PDE11A: variants seen among roughly 807,000 people sequenced by gnomAD.
The protein encoded by PDE11A is dual 3',5'-cyclic-AMP and -GMP phosphodiesterase 11A.
In PDE11A, 100 loss-of-function variants were observed where a neutral mutation model predicts 100.5. That is an observed-to-expected ratio of 1.00 (90% confidence interval 0.85 to 1.18). PDE11A has a LOEUF of 1.18. Ranked by LOEUF, PDE11A falls within the 50% of genes most tolerant of loss-of-function variation. PDE11A has a pLI of 0.00. For missense variants in PDE11A, 1,141 were observed against 1,152.6 expected, an observed-to-expected ratio of 0.99 and a Z score of 0.15; for synonymous variants, 381 against 420.8, an observed-to-expected ratio of 0.91 and a Z score of 1.16.
Position 178,072,470 on chromosome 2 carries a change from G to A in PDE11A, c.-33C>T, listed in dbSNP as rs561693321. 1.2e-6 allele frequency: 2 copies of A among 1,612,100 alleles called. No individual in the cohort carries two copies. Among genetic ancestry groups the A allele is most frequent in the East Asian group, 4.5e-5 (2 of 44,874 alleles). On this transcript the variant is annotated 5_prime_UTR_variant, in exon 1 of 20. The change creates a new upstream start codon in the 5' untranslated region. Transcript: ENST00000286063. ...GACAGCTTTCCTTGCCTGTTTACAC[G>A]TGAACCAAATGTTTTCCTGCCCCGA...
intron 10 of PDE11A, among the ~76,000 whole-genome samples, chr2:177,765,554 A>G (rs1379470454): frequency 6.6e-6 from 1 of 152,210 alleles, no homozygotes; most frequent in Non-Finnish European, 1.5e-5. Flanking sequence ...ACAGGTAGGA[A>G]GGGGCCCTGC....
At chr2:177,854,961 G>C (rs1417967738) in intron 5 of PDE11A, among the ~76,000 whole-genome samples, 2 of 152,104 alleles carry the variant, frequency 1.3e-5, no homozygotes, top group East Asian at 3.9e-4. Flanking sequence ...TTGTTTAAAG[G>C]AAGTTACATA....
rs191481058 is a variant in PDE11A, at chr2:177,853,980, A to T, written c.1368-13597T>A. On this transcript the variant is annotated intron_variant, in intron 5 of 19. Transcript: ENST00000286063. ...TATGTGTATACACACACACACACAC[A>T]GCAAGAAAGGGAGCAGATTCAATTT... Among the ~76,000 whole-genome samples, 1,020 of 150,466 alleles carry T rather than the reference A, an allele frequency of 6.8e-3. 13 individuals are homozygous for T. The highest frequency in any genetic ancestry group is 0.023 in the African/African-American group (953 of 40,920).
chr2:178,059,550 T>G (rs1028336757), intron 1 of PDE11A, among the ~76,000 whole-genome samples: 1 of 152,226 alleles, frequency 6.6e-6, no homozygotes, highest in African/African-American at 2.4e-5. Context: ...CATTTTTCAC[T>G]GAGTCCTATA....
At chr2:177,943,437 T>C (rs765956326) in intron 2 of PDE11A, among the ~76,000 whole-genome samples, 1 of 152,238 alleles carries the variant, frequency 6.6e-6, no homozygotes, top group Non-Finnish European at 1.5e-5. Flanking sequence ...GGGTGCGACA[T>C]GATATCTCAT....
chr2:177,872,047 T>C (rs1413749609), intron 5 of PDE11A, among the ~76,000 whole-genome samples: 1 of 152,210 alleles, frequency 6.6e-6, no homozygotes, highest in African/African-American at 2.4e-5. Flanking sequence ...GTTATGTTTG[T>C]ATTATATTTT....
At chr2:178,065,508 A>G (rs1309141776) in intron 1 of PDE11A, among the ~76,000 whole-genome samples, 3 of 152,232 alleles carry the variant, frequency 2.0e-5, no homozygotes, top group African/African-American at 7.2e-5. Context: ...TCATGTACAA[A>G]GCAGCAAATG....
intron 1 of PDE11A, among the ~76,000 whole-genome samples, chr2:178,104,681 C>A (rs2087598390): frequency 6.6e-6 from 1 of 152,152 alleles, no homozygotes; most frequent in Non-Finnish European, 1.5e-5. Context: ...TAAAGACAAT[C>A]ATCTCATTAA....
intron 1 of PDE11A, among the ~76,000 whole-genome samples, chr2:178,044,768 G>A (rs1047928856): frequency 1.3e-5 from 2 of 152,138 alleles, no homozygotes; most frequent in Non-Finnish European, 2.9e-5. Flanking sequence ...TGCTACACAA[G>A]TATATCACCA....
chr2:177,973,398 C>T (rs1045242596), intron 2 of PDE11A, among the ~76,000 whole-genome samples: 1 of 29,516 alleles, frequency 3.4e-5, no homozygotes, highest in Non-Finnish European at 7.0e-5. Context: ...AAACGGCGCA[C>T]CACGAGACTA....
At chr2:177,704,801 G>A (rs927804934) in intron 13 of PDE11A, among the ~76,000 whole-genome samples, 1 of 152,142 alleles carries the variant, frequency 6.6e-6, no homozygotes, top group East Asian at 1.9e-4. Flanking sequence ...TTTTGTGGGA[G>A]GGGAACATAA....
intron 1 of PDE11A, among the ~76,000 whole-genome samples, chr2:178,046,171 T>A (rs1233774980): frequency 6.6e-6 from 1 of 152,174 alleles, no homozygotes; most frequent in Non-Finnish European, 1.5e-5. Flanking sequence ...CTGCATAACA[T>A]ATTCCCAATA....
intron 9 of PDE11A, among the ~76,000 whole-genome samples, chr2:177,808,517 G>A (rs1292459042): frequency 6.6e-6 from 1 of 152,178 alleles, no homozygotes; most frequent in Non-Finnish European, 1.5e-5. Context: ...CCTCCAAGCT[G>A]AGCTGCTCAC....
chr2:177,834,758 C>A (rs1171199147), intron 6 of PDE11A, among the ~76,000 whole-genome samples: 1 of 152,226 alleles, frequency 6.6e-6, no homozygotes, highest in East Asian at 1.9e-4. Flanking sequence ...TCTTCCCAGG[C>A]TTGCACCTAA....
chr2:177,743,550 A>G (rs1408797468), intron 10 of PDE11A, among the ~76,000 whole-genome samples: 1 of 152,206 alleles, frequency 6.6e-6, no homozygotes, highest in African/African-American at 2.4e-5. Context: ...AGGAAAATCA[A>G]CCTCACTTGG....
intron 13 of PDE11A, chr2:177,702,754 G>A (rs1036793822): frequency 2.6e-5 from 4 of 151,988 alleles, no homozygotes; most frequent in African/African-American, 4.8e-5. Flanking sequence ...GATTAGGTTC[G>A]GTAGGAATTA....
intron 1 of PDE11A, among the ~76,000 whole-genome samples, chr2:178,015,692 G>C (rs2086326658): frequency 6.6e-6 from 1 of 152,062 alleles, no homozygotes. Flanking sequence ...TAGGGTATTT[G>C]GGGAGTGAAA....
chr2:177,816,945 T>A, intron 8 of PDE11A, 24 bp from the exon 9 acceptor site: 2 of 1,413,232 alleles, frequency 1.4e-6, no homozygotes, highest in Non-Finnish European at 2.0e-6. Flanking sequence ...AACCTGCTAA[T>A]TAAACATTGC....
At chr2:177,650,562 C>A (rs2080292456) in intron 19 of PDE11A, among the ~76,000 whole-genome samples, 1 of 152,168 alleles carries the variant, frequency 6.6e-6, no homozygotes, top group Non-Finnish European at 1.5e-5. Context: ...AAAACAAACT[C>A]TCTGGTTCAG....
Sources: allele counts gnomAD v4.1 joint callset (sites outside exome capture counted in the v4.1 genomes callset), GRCh38; gene constraint gnomAD v4.1.1; transcripts MANE v1.5; gene names NCBI Gene and HGNC (gene_info 2026-07-23, HGNC 2026-07-21).